The following PDS5B variants were observed in gnomAD, a reference collection of about 807,000 sequenced individuals.
The protein encoded by PDS5B is sister chromatid cohesion protein PDS5 homolog B.
Under a neutral mutation model 184.1 loss-of-function variants are expected in PDS5B, and 51 were observed. That is an observed-to-expected ratio of 0.28 (90% confidence interval 0.22 to 0.35). The LOEUF (loss-of-function observed/expected upper bound fraction) is 0.35. Among genes scored for constraint, PDS5B ranks in the 10% least tolerant of loss-of-function variants. PDS5B has a pLI of 1.00. For missense variants in PDS5B, 1,180 were observed against 1,723.3 expected (o/e 0.68, Z 5.58); for synonymous variants, 566 against 569.2 (o/e 0.99, Z 0.08).
intron 6 of PDS5B, among the ~76,000 whole-genome samples, chr13:32,662,682 C>T (rs1334610795): frequency 6.6e-6 from 1 of 151,956 alleles, no homozygotes; most frequent in African/African-American, 2.4e-5. Context: ...AGTGTAACTC[C>T]ATGGCTAAAT....
chr13:32,641,859 A>G lies in PDS5B; in HGVS notation c.-19-6895A>G, dbSNP rs117699150. On this transcript the variant is annotated intron_variant, in intron 1 of 34. Transcript: ENST00000315596. ...AATCTACAGTTGCCTTCTAGAGCAA[A>G]CTTTATTTTTCCCAAGACTTAATCT... Among the ~76,000 whole-genome samples, 766 of 152,232 alleles carry G rather than the reference A, an allele frequency of 5.0e-3. 23 individuals carry two copies. Among genetic ancestry groups the G allele is most frequent in the Admixed American group, 0.034 (514 of 15,288 alleles).
In PDS5B at chr13:32,747,609, G is replaced by C. The variant is rs576735517; in HGVS notation, c.2736+1509G>C. 8.0e-5 allele frequency among the ~76,000 whole-genome samples: 12 copies of C among 150,676 alleles called. No homozygotes were observed. The East Asian group carries it at 2.3e-3, about 29-fold the overall frequency. ...CTCAAAAAAAAAAAAAAAAAAATTT[G>C]GGGGGAGCCCATAACTTCCTTGGTA... On this transcript the variant is annotated intron_variant, in intron 24 of 34. Transcript: ENST00000315596.
chr13:32,641,228 A>G (rs1305823457), intron 1 of PDS5B, among the ~76,000 whole-genome samples: 1 of 152,192 alleles, frequency 6.6e-6, no homozygotes, highest in East Asian at 1.9e-4. Context: ...GAAAGGAACT[A>G]TTATATGTCA....
At chr13:32,652,558 CA>C (rs1215870928) in intron 3 of PDS5B, 2 of 128,460 alleles carry the variant, frequency 1.6e-5, no homozygotes, top group Non-Finnish European at 3.1e-5. Context: ...GGCAACATAG[CA>C]AGGCGTTGTC....
chr13:32,699,823 T>C lies in PDS5B; in HGVS notation c.1694T>C (p.Val565Ala), dbSNP rs754089644. The C allele has an allele frequency of 5.7e-6, 9 of 1,580,766 alleles. No individual in the cohort carries two copies. The highest frequency in any genetic ancestry group is 7.7e-6 in the Non-Finnish European group (9 of 1,166,716). ...GAGAAAATAAGAAAGCAGTTAGAAG[T>C]ACTTGTTAGTCCAACATGCTCCTGC... ...DDEKIRKQLE[V>A]LVSPTCSCKQ... Residue 565 changes from valine to alanine, a missense_variant, in exon 16 of 35, where the codon GTA becomes GCA. By Grantham distance (64) the Val-to-Ala change is moderately conservative. This residue lies in a region of PDS5B where 475 missense variants were observed against 691.5 expected (regional missense o/e 0.69). Transcript: ENST00000315596.
chr13:32,749,392 T>C (rs1243161144), intron 24 of PDS5B, among the ~76,000 whole-genome samples: 62 of 152,216 alleles, frequency 4.1e-4, no homozygotes, highest in Non-Finnish European at 1.5e-5. Context: ...CTTTATTTCT[T>C]GAGGCTCTTT....
intron 11 of PDS5B, among the ~76,000 whole-genome samples, chr13:32,685,233 A>G (rs1000694917): frequency 5.3e-5 from 8 of 152,214 alleles, no homozygotes; most frequent in African/African-American, 9.6e-5. Context: ...CTTCAAATCT[A>G]TAGGTATCCA....
At chr13:32,655,419 C>T (rs1303974671) in intron 3 of PDS5B, among the ~76,000 whole-genome samples, 2 of 95,084 alleles carry the variant, frequency 2.1e-5, no homozygotes, top group African/African-American at 3.8e-5. Flanking sequence ...CACACCGTTG[C>T]TCAGGCTGGA....
intron 1 of PDS5B, among the ~76,000 whole-genome samples, chr13:32,607,739 C>G (rs1046910826): frequency 6.6e-6 from 1 of 152,242 alleles, no homozygotes; most frequent in Non-Finnish European, 1.5e-5. Context: ...AACTTGTTTA[C>G]CTACTCAAGC....
chr13:32,668,956 T>G (rs1165636049), intron 7 of PDS5B, among the ~76,000 whole-genome samples: 2 of 152,194 alleles, frequency 1.3e-5, no homozygotes, highest in African/African-American at 4.8e-5. Flanking sequence ...TAAGAAATTG[T>G]TTTGAAGGGT....
At chr13:32,642,743 T>C (rs1420864380) in intron 1 of PDS5B, among the ~76,000 whole-genome samples, 1 of 142,064 alleles carries the variant, frequency 7.0e-6, no homozygotes, top group Non-Finnish European at 1.5e-5. Flanking sequence ...TGAAATTTGC[T>C]CTCTGAGATT....
chr13:32,631,802 T>C (rs2058460030), intron 1 of PDS5B, among the ~76,000 whole-genome samples: 1 of 152,202 alleles, frequency 6.6e-6, no homozygotes, highest in Non-Finnish European at 1.5e-5. Flanking sequence ...CAACATGAAT[T>C]GAGCACCTGA....
Position 32,776,998 on chromosome 13 carries a change from C to T in PDS5B, c.*1946C>T, listed in dbSNP as rs771483461. 2 of 152,360 alleles carry T rather than the reference C, an allele frequency of 1.3e-5. No individual in the cohort carries two copies. Among genetic ancestry groups the T allele is most frequent in the Non-Finnish European group, 2.9e-5 (2 of 67,902 alleles). The allele number at this position is 152,360 out of a possible 1,614,324, so 9.4% of individuals were successfully genotyped here. On this transcript the variant is annotated 3_prime_UTR_variant, in exon 35 of 35. Transcript: ENST00000315596. ...TGAAATGTTTCCTTAGCTCGGTTCT[C>T]CCAAACACATAATTTCTGTTTCAGC...
chr13:32,747,239 A>G (rs1402507443), intron 24 of PDS5B, among the ~76,000 whole-genome samples: 2 of 152,200 alleles, frequency 1.3e-5, no homozygotes, highest in Non-Finnish European at 1.5e-5. Flanking sequence ...TTTCATTAAT[A>G]ATTTCGTTAT....
chr13:32,627,470 G>GT lies in PDS5B; in HGVS notation c.-19-21276dup, dbSNP rs541903559. ...TAAAAATATGTAGTTCATTTCCTGGGTTTTTTTTACTCTTTTTTAGGAAGA... is the reference window on the plus strand; with the variant it reads ...TAAAAATATGTAGTTCATTTCCTGGGTTTTTTTTTACTCTTTTTTAGGAAGA... On this transcript the variant is annotated intron_variant, in intron 1 of 34. Transcript: ENST00000315596. 2.4e-3 allele frequency among the ~76,000 whole-genome samples: 364 copies of GT among 151,662 alleles called. 1 individual carries two copies. Among genetic ancestry groups the GT allele is most frequent in the Non-Finnish European group, 3.7e-3 (248 of 67,856 alleles).
At chr13:32,735,567 T>C (rs571272278) in intron 21 of PDS5B, among the ~76,000 whole-genome samples, 20 of 152,310 alleles carry the variant, frequency 1.3e-4, no homozygotes, top group African/African-American at 4.6e-4. Context: ...ATATAAAATA[T>C]AACCTGATGC....
intron 19 of PDS5B, among the ~76,000 whole-genome samples, chr13:32,717,434 G>T (rs1297252874): frequency 1.4e-5 from 2 of 146,276 alleles, no homozygotes; most frequent in Non-Finnish European, 3.0e-5. Flanking sequence ...GTCCACTCAG[G>T]GTTACATGGA....
chr13:32,710,978 A>C (rs949770350), intron 19 of PDS5B, among the ~76,000 whole-genome samples: 1 of 151,712 alleles, frequency 6.6e-6, no homozygotes, highest in Admixed American at 6.6e-5. Flanking sequence ...CAAAGGCATT[A>C]TTATTATTTT....
intron 24 of PDS5B, among the ~76,000 whole-genome samples, chr13:32,747,602 A>AG (rs1953800624): frequency 6.6e-6 from 1 of 152,002 alleles, no homozygotes; most frequent in Non-Finnish European, 1.5e-5. Flanking sequence ...AAAAAAAAAA[A>AG]AAATTTGGGG....
Sources: allele counts gnomAD v4.1 joint callset (sites outside exome capture counted in the v4.1 genomes callset), GRCh38; gene constraint gnomAD v4.1.1; regional missense constraint gnomAD v4.1.1; transcripts MANE v1.5; gene names NCBI Gene and HGNC (gene_info 2026-07-23, HGNC 2026-07-21).